ATPAF2: variants seen among roughly 807,000 people sequenced by gnomAD.
The protein encoded by ATPAF2 is ATP synthase mitochondrial F1 complex assembly factor 2, also known as ATP12 homolog.
ATPAF2 carries 30 observed loss-of-function variants against 36.6 expected under a neutral mutation model. The observed-to-expected ratio is 0.82, with a 90% CI of 0.61 to 1.11. ATPAF2 has a LOEUF of 1.11. ATPAF2 is among the 50% of genes most tolerant of loss of function. The probability of loss-of-function intolerance (pLI) is 0.00; values close to 1 mark genes in which losing one functional copy is unlikely to be tolerated. For synonymous variants in ATPAF2, 140 were observed against 152.6 expected, an observed-to-expected ratio of 0.92 and a Z score of 0.61; for missense variants, 321 against 372.3, an observed-to-expected ratio of 0.86 and a Z score of 1.13.
Position 18,026,345 on chromosome 17 carries a change from C to T in ATPAF2, c.396G>A (p.Val132=). Residue 132 remains valine (V), a synonymous_variant, in exon 4 of 8, where the codon GTG becomes GTA. Transcript: ENST00000474627. ...AGATGGTGTCGGTGTCCAGAAACTT[C>T]ACGGCTGCCCGGATCAGCTGATCCT... ...RNKDQLIRAA[V]KFLDTDTICY... 6.2e-7 allele frequency: 1 copy of T among 1,614,214 alleles called. No homozygotes were observed. Among genetic ancestry groups the T allele is most frequent in the Non-Finnish European group, 8.5e-7 (1 of 1,180,028 alleles).
chr17:18,028,810 T>A, intron 1 of ATPAF2, 151 bp from the exon 2 acceptor site: 3 of 761,840 alleles, frequency 3.9e-6, no homozygotes, highest in Non-Finnish European at 6.8e-6. Context: ...CAACACGGTA[T>A]AATCAACCGC....
rs761066670 is a variant in ATPAF2 at position 18,038,944 on chromosome 17, T to C, written c.70A>G (p.Ser24Gly). 13 of 1,593,302 alleles carry C rather than the reference T, an allele frequency of 8.2e-6. No individual in the cohort carries two copies. The highest frequency in any genetic ancestry group is 9.4e-6 in the Non-Finnish European group (11 of 1,172,560). Residue 24 changes from serine (S) to glycine (G), a missense_variant, in exon 1 of 8, where the codon AGC (serine) becomes GGC (glycine). Physicochemically the swap from Ser to Gly is moderately conservative, Grantham distance 56. Coordinates refer to ENST00000474627, the MANE Select transcript of ATPAF2 (RefSeq NM_145691.4). ...RLLNRPAGGPSASMSPGPTIP... is the reference protein window; with the variant it reads ...RLLNRPAGGPGASMSPGPTIP... Reference sequence around the variant, plus strand: ...GTTGGCCCCGGACTCATAGAAGCGCTGGGGCCACCCGCCGGCCGATTCAGG... The same window carrying C: ...GTTGGCCCCGGACTCATAGAAGCGCCGGGGCCACCCGCCGGCCGATTCAGG...
At chr17:18,017,250 C>T (rs978246880), downstream of ATPAF2, among the ~76,000 whole-genome samples, 7 of 149,014 alleles carry the variant, frequency 4.7e-5, no homozygotes, top group African/African-American at 1.5e-4. Flanking sequence ...GATGAACAGC[C>T]GGTCCCAGGC....
intron 3 of ATPAF2, 33 bp from the exon 4 acceptor site, chr17:18,026,449 C>T (rs1392244737): frequency 6.4e-7 from 1 of 1,567,456 alleles, no homozygotes; most frequent in Admixed American, 1.7e-5. Context: ...CCTGTCACTG[C>T]CTGCGGGGCT....
intron 5 of ATPAF2, among the ~76,000 whole-genome samples, chr17:18,022,495 C>CAA (rs2044483288): frequency 6.6e-6 from 1 of 151,518 alleles, no homozygotes; most frequent in South Asian, 2.1e-4. Flanking sequence ...GAGCTGGTCT[C>CAA]AAACGCCTGG....
At chr17:18,024,474 T>C in intron 5 of ATPAF2, 150 bp downstream of exon 5, 1 of 718,542 alleles carries the variant, frequency 1.4e-6, no homozygotes, top group Non-Finnish European at 2.5e-6. Context: ...CTATCCCTGA[T>C]CATATGAGGG....
chr17:18,021,739 A>G lies in ATPAF2; in HGVS notation c.616+6T>C, dbSNP rs749960290. ...CTGCCAAGCCCACAAGAAACTCCAT[A>G]CATGCCTTGTAAAGCCCATGTGTTG... On this transcript the variant is annotated splice_donor_region_variant and intron_variant, in intron 6 of 7. Transcript: ENST00000474627. 3 of 1,613,022 alleles carry G rather than the reference A, an allele frequency of 1.9e-6. No homozygotes were observed. Among genetic ancestry groups the G allele is most frequent in the Non-Finnish European group, 2.5e-6 (3 of 1,179,398 alleles).
chr17:18,021,352 C>A, intron 6 of ATPAF2, 114 bp from the exon 7 acceptor site: 1 of 812,084 alleles, frequency 1.2e-6, no homozygotes, highest in Non-Finnish European at 2.1e-6. Context: ...AAAGAGCCAT[C>A]CAGCGATTGT....
chr17:18,037,900 C>T (rs2044726958), intron 1 of ATPAF2, among the ~76,000 whole-genome samples: 1 of 152,230 alleles, frequency 6.6e-6, no homozygotes, highest in Non-Finnish European at 1.5e-5. Context: ...TCCTACTCAT[C>T]TATCATGGCT....
At chr17:18,024,971 G>T in intron 4 of ATPAF2, 1 of 491,352 alleles carries the variant, frequency 2.0e-6, no homozygotes, top group Non-Finnish European at 3.7e-6. Flanking sequence ...GTTTTAACAA[G>T]CCCTCTAGGG....
At chr17:18,032,836 A>AT (rs562389150) in intron 1 of ATPAF2, among the ~76,000 whole-genome samples, 3,753 of 139,876 alleles carry the variant, frequency 0.027, 125 homozygotes, top group African/African-American at 0.075. Flanking sequence ...GATTGATTCA[A>AT]TTTTTTTTTT....
At chr17:18,017,252 G>A (rs2044396616), downstream of ATPAF2, among the ~76,000 whole-genome samples, 1 of 146,474 alleles carries the variant, frequency 6.8e-6, no homozygotes, top group East Asian at 2.0e-4. Context: ...TGAACAGCCG[G>A]TCCCAGGCCA....
intron 7 of ATPAF2, 68 bp from the exon 8 acceptor site, chr17:18,018,754 C>G: frequency 6.2e-7 from 1 of 1,610,026 alleles, no homozygotes; most frequent in Non-Finnish European, 8.5e-7. Context: ...ACCAAAGCCA[C>G]GTTCCATTCC....
intron 5 of ATPAF2, among the ~76,000 whole-genome samples, chr17:18,022,773 TAAA>T (rs937709096): frequency 5.9e-5 from 9 of 151,990 alleles, no homozygotes; most frequent in Non-Finnish European, 1.3e-4. Context: ...CAATGGGGGA[TAAA>T]AATAATTTTT....
At chr17:18,027,522 G>T (rs1301932181) in intron 3 of ATPAF2, among the ~76,000 whole-genome samples, 2 of 152,224 alleles carry the variant, frequency 1.3e-5, no homozygotes, top group Non-Finnish European at 2.9e-5. Flanking sequence ...GCTCCGTGAG[G>T]TGGGTACTAT....
At chr17:18,023,116 G>A (rs1190208288) in intron 5 of ATPAF2, among the ~76,000 whole-genome samples, 18 of 134,940 alleles carry the variant, frequency 1.3e-4, no homozygotes, top group East Asian at 4.8e-4. Flanking sequence ...GTGACAGAGC[G>A]AGACTCCTTT....
rs367939316 is a variant in ATPAF2 at position 18,021,853 on chromosome 17, C to T, written c.508G>A (p.Gly170Ser). 46 of 1,613,704 alleles carry T rather than the reference C, an allele frequency of 2.9e-5. No individual in the cohort carries two copies. The African/African-American group carries it at 3.2e-4, about 11-fold the overall frequency. The part of the protein sequence containing the change: ...PIIEWAEKRY[G>S]VEISSSTSIM... Reference sequence around the variant, plus strand: ...CTGGTGGAGGAGCTGATCTCCACGCCGTATCTGAAAGGAAAAGGGCTTCGG... The same window carrying T: ...CTGGTGGAGGAGCTGATCTCCACGCTGTATCTGAAAGGAAAAGGGCTTCGG... The change falls in exon 6 of 8, where the codon GGC becomes AGC. Residue 170 changes from glycine to serine, a missense_variant. Transcript: ENST00000474627.
chr17:18,018,854 C>T (rs1204813296), intron 7 of ATPAF2, among the ~76,000 whole-genome samples, 168 bp from the exon 8 acceptor site: 1 of 152,116 alleles, frequency 6.6e-6, no homozygotes, highest in Non-Finnish European at 1.5e-5. Flanking sequence ...CACCCAGGTA[C>T]GCCAGACACG....
At chr17:18,021,697 A>G in intron 6 of ATPAF2, 48 bp downstream of exon 6, 1 of 1,508,940 alleles carries the variant, frequency 6.6e-7, no homozygotes, top group Admixed American at 1.7e-5. Flanking sequence ...TCAGACACTG[A>G]TGGCCTTCAC....
Sources: gnomAD v4.1 joint callset for allele counts (sites outside exome capture counted in the v4.1 genomes callset) on GRCh38, gnomAD v4.1.1 for gene constraint, MANE v1.5 for transcripts, NCBI Gene and HGNC (gene_info 2026-07-23, HGNC 2026-07-21) for gene names.